SMURF1: variants seen among roughly 807,000 people sequenced by gnomAD.
SMURF1 encodes SMAD specific E3 ubiquitin protein ligase 1, also known as E3 ubiquitin-protein ligase SMURF1.
Under a neutral mutation model 98.0 loss-of-function variants are expected in SMURF1, and 44 were observed. The ratio of observed to expected loss-of-function variants is 0.45; its 90% CI spans 0.35 to 0.58. The LOEUF is 0.58. Among genes scored for constraint, SMURF1 ranks in the 20% least tolerant of loss-of-function variants. The pLI is 0.00. For missense variants in SMURF1, 687 were observed against 938.4 expected, an observed-to-expected ratio of 0.73 and a Z score of 3.50; for synonymous variants, 396 against 374.9, an observed-to-expected ratio of 1.06 and a Z score of -0.65.
intron 1 of SMURF1, among the ~76,000 whole-genome samples, chr7:99,125,519 TA>T (rs1218857130): frequency 1.3e-5 from 2 of 152,242 alleles, no homozygotes; most frequent in African/African-American, 4.8e-5. Flanking sequence ...GTAAACACAG[TA>T]ACACACTTTG....
chr7:99,032,861 C>T, intron 17 of SMURF1, 176 bp downstream of exon 17: 1 of 878,794 alleles, frequency 1.1e-6, no homozygotes, highest in Non-Finnish European at 1.8e-6. Flanking sequence ...TCAGAATTGT[C>T]ATTCAACTCT....
At chr7:99,069,090 G>A (rs984116805) in intron 1 of SMURF1, among the ~76,000 whole-genome samples, 2 of 152,082 alleles carry the variant, frequency 1.3e-5, no homozygotes, top group Non-Finnish European at 2.9e-5. Context: ...ATGTTAAAAT[G>A]TTCTTTCTTT....
intron 2 of SMURF1, 38 bp from the exon 3 acceptor site, chr7:99,060,745 C>T (rs776285337): frequency 3.0e-6 from 4 of 1,351,062 alleles, no homozygotes; most frequent in Admixed American, 3.6e-5. Context: ...GATGAGACCT[C>T]ACATCCATCC....
intron 1 of SMURF1, among the ~76,000 whole-genome samples, chr7:99,103,742 A>G (rs144900078): frequency 2.9e-4 from 44 of 152,228 alleles, no homozygotes; most frequent in Non-Finnish European, 5.7e-4. Flanking sequence ...TCTGGTTTCA[A>G]TGATGGAAAT....
Position 99,049,507 on chromosome 7 carries a change from G to A in SMURF1, c.953+56C>T, listed in dbSNP as rs1333073962. 3 of 1,555,644 alleles carry A rather than the reference G, an allele frequency of 1.9e-6. No homozygotes were observed. The Admixed American group carries it at 5.2e-5, about 27-fold the overall frequency. On this transcript the variant is annotated intron_variant, in intron 9 of 17. Coordinates refer to ENST00000361368, the MANE Select transcript of SMURF1 (RefSeq NM_181349.3). Reference sequence around the variant, plus strand: ...TAAATTCACAAAAATACCAGTCCAAGAAAGCATTCGATTACCAATGAAAGA... The same window carrying A: ...TAAATTCACAAAAATACCAGTCCAAAAAAGCATTCGATTACCAATGAAAGA...
chr7:99,060,378 CAAAAAAA>C (rs11340949), intron 3 of SMURF1, among the ~76,000 whole-genome samples: 82 of 92,496 alleles, frequency 8.9e-4, no homozygotes, highest in East Asian at 6.4e-3. Flanking sequence ...GACTCCGTCT[CAAAAAAA>C]AAAAAAAAAA....
intron 1 of SMURF1, among the ~76,000 whole-genome samples, chr7:99,062,810 T>C (rs948874570): frequency 1.3e-5 from 2 of 152,092 alleles, no homozygotes; most frequent in African/African-American, 4.8e-5. Flanking sequence ...ATCTCACCAC[T>C]GCACTCCAGC....
chr7:99,041,591 C>A (rs1288849905), intron 12 of SMURF1, among the ~76,000 whole-genome samples: 4 of 152,216 alleles, frequency 2.6e-5, no homozygotes, highest in African/African-American at 4.8e-5. Flanking sequence ...GCCTCAGTGG[C>A]CTGTGCAGGA....
intron 1 of SMURF1, among the ~76,000 whole-genome samples, chr7:99,109,568 T>A (rs1173522951): frequency 6.6e-6 from 1 of 152,184 alleles, no homozygotes; most frequent in Non-Finnish European, 1.5e-5. Context: ...ATCTCTTATT[T>A]TTCCCCAGCC....
intron 1 of SMURF1, chr7:99,121,122 G>T (rs575236688): frequency 6.6e-6 from 1 of 151,332 alleles, no homozygotes; most frequent in South Asian, 2.1e-4. Context: ...TGAGTCAGAT[G>T]GGAGAGGAAA....
At chr7:99,043,342 C>T (rs1055785715) in intron 11 of SMURF1, among the ~76,000 whole-genome samples, 3 of 152,198 alleles carry the variant, frequency 2.0e-5, no homozygotes, top group Non-Finnish European at 2.9e-5. Context: ...GTGTAATACA[C>T]ATGCAACTGA....
intron 8 of SMURF1, chr7:99,050,381 T>C (rs1466701053): frequency 6.5e-6 from 1 of 153,082 alleles, no homozygotes; most frequent in African/African-American, 2.4e-5. Context: ...CAGAAGGGTT[T>C]CTTCATTGGA....
At chr7:99,122,515 G>A (rs962362970) in intron 1 of SMURF1, among the ~76,000 whole-genome samples, 1 of 149,592 alleles carries the variant, frequency 6.7e-6, no homozygotes, top group Non-Finnish European at 1.5e-5. Context: ...GTGGTGGCGG[G>A]CGCCTGTAAT....
chr7:99,085,353 CAAAAA>C (rs992976220), intron 1 of SMURF1, among the ~76,000 whole-genome samples: 3 of 52,326 alleles, frequency 5.7e-5, no homozygotes, highest in African/African-American at 1.6e-4. Context: ...AACTCCATCT[CAAAAA>C]AAAAAAAAAA....
intron 15 of SMURF1, chr7:99,036,477 CA>C (rs11341707): frequency 0.17 from 12,904 of 73,928 alleles, 584 homozygotes; most frequent in East Asian, 0.34. Context: ...GACCGTGTCT[CA>C]AAAAAAAAAA....
At chr7:99,076,504 G>A (rs1796462351) in intron 1 of SMURF1, among the ~76,000 whole-genome samples, 1 of 152,128 alleles carries the variant, frequency 6.6e-6, no homozygotes, top group South Asian at 2.1e-4. Flanking sequence ...ACAAATACCT[G>A]ACCAGTGCTT....
At chr7:99,089,220 A>C (rs1040885905) in intron 1 of SMURF1, among the ~76,000 whole-genome samples, 7 of 151,616 alleles carry the variant, frequency 4.6e-5, no homozygotes, top group Non-Finnish European at 7.4e-5. Context: ...AAAAAGAAAG[A>C]AATCAATCAA....
chr7:99,114,152 T>C (rs916511652), intron 1 of SMURF1, among the ~76,000 whole-genome samples: 2 of 152,172 alleles, frequency 1.3e-5, no homozygotes, highest in Non-Finnish European at 2.9e-5. Context: ...AACTAGATTG[T>C]TATAAATTAA....
rs548458860 is a variant in SMURF1 at position 99,088,725 on chromosome 7, G to A, written c.56-26888C>T. 3.9e-5 allele frequency among the ~76,000 whole-genome samples: 6 copies of A among 152,226 alleles called. No homozygotes were observed. The South Asian group carries it at 1.2e-3, about 32-fold the overall frequency. ...GTTTTTGTAGAGGTGAGACAGGCTG[G>A]GTTTCAAAGGGCAGGTAAGTTTTGG... is the stretch of plus-strand genomic sequence containing the variant. On this transcript the variant is annotated intron_variant, in intron 1 of 17. Transcript: ENST00000361368.
Sources: gnomAD v4.1 joint callset for allele counts (sites outside exome capture counted in the v4.1 genomes callset) on GRCh38, gnomAD v4.1.1 for gene constraint, MANE v1.5 for transcripts, NCBI Gene and HGNC (gene_info 2026-07-23, HGNC 2026-07-21) for gene names.